The following ADARB2 variants were observed in gnomAD, a reference collection of about 807,000 sequenced individuals.
ADARB2 encodes the protein inactive double-stranded RNA-specific editase B2.
ADARB2 carries 25 observed loss-of-function variants against 62.2 expected under a neutral mutation model. The observed-to-expected ratio is 0.40, with a 90% CI of 0.29 to 0.56. The LOEUF is 0.56. ADARB2 is among the 20% of genes least tolerant of loss of function. ADARB2 has a pLI of 0.43. For missense variants in ADARB2, 1,071 were observed against 1,077.4 expected, an observed-to-expected ratio of 0.99 and a Z score of 0.08; for synonymous variants, 572 against 500.8, an observed-to-expected ratio of 1.14 and a Z score of -1.90.
chr10:1,471,320 C>T lies in ADARB2; in HGVS notation c.101-92160G>A, dbSNP rs143793746. ...CTGTCTCCGTGTGTCCACTATGGGA[C>T]GGCAGCTAATTGCCCTTCTTCAGTT... On this transcript the variant is annotated intron_variant, in intron 1 of 9. Coordinates refer to ENST00000381312, the MANE Select transcript of ADARB2 (RefSeq NM_018702.4). Among the ~76,000 whole-genome samples the T allele has an allele frequency of 1.9e-4, 29 of 152,290 alleles. No homozygotes were observed. In the East Asian group the frequency reaches 3.3e-3, roughly 17 times the overall value.
At chr10:1,656,874 T>C (rs1834177773) in intron 1 of ADARB2, among the ~76,000 whole-genome samples, 4 of 151,966 alleles carry the variant, frequency 2.6e-5, no homozygotes, top group Admixed American at 2.6e-4. Context: ...TTTTTTTCCA[T>C]GCCATGAAGT....
chr10:1,390,633 T>C (rs904122852), intron 1 of ADARB2, among the ~76,000 whole-genome samples: 3 of 152,336 alleles, frequency 2.0e-5, no homozygotes, highest in Admixed American at 6.5e-5. Context: ...TATCGGACTT[T>C]GGGTTTCCGT....
intron 1 of ADARB2, among the ~76,000 whole-genome samples, chr10:1,385,281 A>G (rs1832516272): frequency 6.6e-6 from 1 of 152,222 alleles, no homozygotes. Context: ...GCAGGAGAAT[A>G]TGACCAATCA....
At chr10:1,651,844 C>A (rs994695542) in intron 1 of ADARB2, among the ~76,000 whole-genome samples, 2 of 936 alleles carry the variant, frequency 2.1e-3, no homozygotes, top group Admixed American at 6.9e-3. Context: ...GCTCTTCTCA[C>A]CCCCACACGA....
intron 1 of ADARB2, among the ~76,000 whole-genome samples, chr10:1,680,978 C>A (rs931070870): frequency 6.6e-6 from 1 of 152,214 alleles, no homozygotes; most frequent in Non-Finnish European, 1.5e-5. Context: ...AGTATTCTCA[C>A]GCCAATAGTG....
At chr10:1,737,027 G>A in intron 1 of ADARB2, 24 bp downstream of exon 1, 2 of 1,607,140 alleles carry the variant, frequency 1.2e-6, no homozygotes, top group Non-Finnish European at 1.7e-6. Flanking sequence ...GGGGGCAGGG[G>A]CCGGCGCGCC....
At chr10:1,493,246 G>A (rs866245305) in intron 1 of ADARB2, among the ~76,000 whole-genome samples, 1 of 152,178 alleles carries the variant, frequency 6.6e-6, no homozygotes, top group African/African-American at 2.4e-5. Flanking sequence ...GATAATGGAA[G>A]TATTTATGCT....
chr10:1,658,906 A>G (rs925770171), intron 1 of ADARB2, among the ~76,000 whole-genome samples: 3 of 152,228 alleles, frequency 2.0e-5, no homozygotes, highest in African/African-American at 7.2e-5. Flanking sequence ...TCCAAGTGCC[A>G]TGAAGCCAGC....
intron 1 of ADARB2, among the ~76,000 whole-genome samples, chr10:1,601,367 T>A (rs1239495938): frequency 6.6e-6 from 1 of 152,188 alleles, no homozygotes; most frequent in Non-Finnish European, 1.5e-5. Context: ...TTAACTTTAG[T>A]CCAGTTTTCT....
intron 1 of ADARB2, 145 bp downstream of exon 1, chr10:1,736,906 G>T: frequency 1.3e-6 from 1 of 749,458 alleles, no homozygotes; most frequent in Non-Finnish European, 2.2e-6. Flanking sequence ...CTGAACTCCC[G>T]AGCGCCCTGC....
intron 1 of ADARB2, among the ~76,000 whole-genome samples, chr10:1,460,050 A>C (rs1428855393): frequency 3.1e-5 from 2 of 64,736 alleles, no homozygotes; most frequent in Non-Finnish European, 7.6e-5. Context: ...CTGTGTAGCA[A>C]ACCTGCCTGT....
chr10:1,645,335 C>T (rs1834026059), intron 1 of ADARB2, among the ~76,000 whole-genome samples: 1 of 152,200 alleles, frequency 6.6e-6, no homozygotes, highest in African/African-American at 2.4e-5. Context: ...TATGTCCCTA[C>T]TGGGAGGTTA....
intron 1 of ADARB2, among the ~76,000 whole-genome samples, chr10:1,493,013 AG>A (rs1312610599): frequency 6.6e-6 from 1 of 152,228 alleles, no homozygotes; most frequent in African/African-American, 2.4e-5. Context: ...AAACCCTAAA[AG>A]GGACAGGTCA....
intron 6 of ADARB2, among the ~76,000 whole-genome samples, chr10:1,226,119 T>C (rs111254525): frequency 6.6e-6 from 1 of 152,198 alleles, no homozygotes; most frequent in Non-Finnish European, 1.5e-5. Flanking sequence ...CTTTTTATTC[T>C]TTTTTCTCTA....
intron 1 of ADARB2, among the ~76,000 whole-genome samples, chr10:1,399,209 G>C (rs1005163976): frequency 6.6e-5 from 10 of 152,162 alleles, no homozygotes; most frequent in African/African-American, 2.4e-4. Flanking sequence ...AGTGCCGGCT[G>C]TTTTCTAAGA....
At chr10:1,289,545 G>A (rs553225588) in intron 3 of ADARB2, among the ~76,000 whole-genome samples, 17 of 152,360 alleles carry the variant, frequency 1.1e-4, no homozygotes, top group African/African-American at 3.8e-4. Context: ...CACGGCTGCT[G>A]GGTGGGACAG....
intron 1 of ADARB2, among the ~76,000 whole-genome samples, chr10:1,547,406 GGC>G (rs1234898237): frequency 2.8e-5 from 3 of 107,788 alleles, no homozygotes; most frequent in Admixed American, 9.3e-5. Flanking sequence ...AGGCTGCACT[GGC>G]GTATGCACTA....
intron 1 of ADARB2, among the ~76,000 whole-genome samples, chr10:1,470,117 C>CCTCTCCCAGGGTCATCTGACCTGACT (rs1831302272): frequency 1.3e-5 from 2 of 152,190 alleles, no homozygotes; most frequent in Admixed American, 1.3e-4. Context: ...CTGACCTGAC[C>CCTCTCCCAGGGTCATCTGACCTGACT]CTCTCCCAGC....
rs10219018 is a variant in ADARB2 at position 1,592,327 on chromosome 10, C to A, written c.100+144724G>T. Among the ~76,000 whole-genome samples the A allele has an allele frequency of 4.0e-3, 556 of 139,854 alleles. 1 individual carries two copies. Among genetic ancestry groups the A allele is most frequent in the African/African-American group, 0.015 (519 of 35,738 alleles). 91.7% of individuals were successfully genotyped at this position (139,854 alleles called of 152,430 possible). On this transcript the variant is annotated intron_variant, in intron 1 of 9. Transcript: ENST00000381312. ...CCTCTGTCACCCAGCTTCCCTCGCC[C>A]AAGCCACCCTCCATAGGTCTCCTCT... is the stretch of plus-strand genomic sequence containing the variant.
Sources: gnomAD v4.1 joint callset for allele counts (sites outside exome capture counted in the v4.1 genomes callset) on GRCh38, gnomAD v4.1.1 for gene constraint, MANE v1.5 for transcripts, NCBI Gene and HGNC (gene_info 2026-07-23, HGNC 2026-07-21) for gene names.